Variants in AAMDC observed in about 807,000 individuals in gnomAD.
AAMDC encodes the protein mth938 domain-containing protein.
In AAMDC, 16 loss-of-function variants were observed where a neutral mutation model predicts 15.5. That is an observed-to-expected ratio of 1.03 (90% CI 0.70 to 1.57). The LOEUF is 1.57. Ranked by LOEUF, AAMDC falls within the 40% of genes most tolerant of loss-of-function variation. The pLI, the probability that AAMDC is intolerant of heterozygous loss-of-function variation, is 0.00. For missense variants in AAMDC, 141 were observed against 144.9 expected, an observed-to-expected ratio of 0.97 and a Z score of 0.14; for synonymous variants, 51 against 51.6, an observed-to-expected ratio of 0.99 and a Z score of 0.05.
intron 2 of AAMDC, chr11:77,868,777 C>A: frequency 4.2e-6 from 1 of 237,858 alleles, no homozygotes; most frequent in Non-Finnish European, 9.2e-6. Context: ...GGTTCTTACA[C>A]AGTGTGCTTC....
Position 77,899,599 on chromosome 11 carries a change from G to A in AAMDC, c.329-972G>A, listed in dbSNP as rs1174796261. ...GCAGGAGAATCGCTTGAACCCAGGAGGCAGAGGTTGCAGTGAGCTGAGATC... is the reference window on the plus strand; with the variant it reads ...GCAGGAGAATCGCTTGAACCCAGGAAGCAGAGGTTGCAGTGAGCTGAGATC... On this transcript the variant is annotated intron_variant, in intron 5 of 5. Transcript: ENST00000304716. 1.4e-3 allele frequency among the ~76,000 whole-genome samples: 210 copies of A among 151,778 alleles called. 1 individual carries two copies. Among genetic ancestry groups the A allele is most frequent in the African/African-American group, 5.0e-3 (208 of 41,202 alleles).
At chr11:77,832,640 A>C (rs1949487042) in intron 1 of AAMDC, among the ~76,000 whole-genome samples, 1 of 151,006 alleles carries the variant, frequency 6.6e-6, no homozygotes, top group Non-Finnish European at 1.5e-5. Context: ...AGGAACTTTT[A>C]TATTTATTCT....
At position 77,882,988 on chromosome 11, in the gene AAMDC, C is replaced by A. The variant is rs185768594; in HGVS notation, c.328+5939C>A. ...TCGGGAGGCTGAGACAGGAGAAGCA[C>A]CTGAACCCAGGAGGCAGACAGAGGT... On this transcript the variant is annotated intron_variant, in intron 5 of 5. Transcript: ENST00000304716. 5.3e-5 allele frequency among the ~76,000 whole-genome samples: 8 copies of A among 152,186 alleles called. 1 individual carries two copies. In the East Asian group the frequency reaches 1.5e-3, roughly 29 times the overall value.
intron 5 of AAMDC, chr11:77,894,223 T>C (rs1952411367): frequency 1.3e-6 from 1 of 783,940 alleles, no homozygotes; most frequent in Non-Finnish European, 2.2e-6. Flanking sequence ...ATTGTTCCTA[T>C]TGCCTGCAAG....
intron 5 of AAMDC, chr11:77,891,751 G>A: frequency 6.2e-7 from 1 of 1,612,016 alleles, no homozygotes. Context: ...GACCACTTCT[G>A]CAGGTTTGGA....
intron 2 of AAMDC, chr11:77,869,130 A>G (rs1349225353): frequency 1.9e-5 from 5 of 259,238 alleles, no homozygotes; most frequent in Admixed American, 4.1e-5. Context: ...GAACAACTCC[A>G]TATTTTCTAA....
intron 5 of AAMDC, among the ~76,000 whole-genome samples, chr11:77,892,506 A>G (rs1379287800): frequency 2.0e-5 from 3 of 152,246 alleles, no homozygotes; most frequent in African/African-American, 7.2e-5. Flanking sequence ...CCAACTGTGC[A>G]AAAACAGACT....
At chr11:77,860,043 A>T (rs1436523946) in intron 2 of AAMDC, among the ~76,000 whole-genome samples, 1 of 152,240 alleles carries the variant, frequency 6.6e-6, no homozygotes, top group Non-Finnish European at 1.5e-5. Flanking sequence ...CTTTGCCACT[A>T]CATCAGTTTT....
chr11:77,856,764 A>C (rs987766003), intron 2 of AAMDC, among the ~76,000 whole-genome samples: 2 of 152,180 alleles, frequency 1.3e-5, no homozygotes, highest in African/African-American at 4.8e-5. Context: ...CAAGGGGGAT[A>C]CTGGCCCCAT....
chr11:77,848,467 C>T (rs1261785422), intron 2 of AAMDC, among the ~76,000 whole-genome samples: 1 of 151,818 alleles, frequency 6.6e-6, no homozygotes, highest in Non-Finnish European at 1.5e-5. Context: ...AAGCGATTCT[C>T]CTACCTCAGC....
chr11:77,847,129 C>A (rs577332448), intron 2 of AAMDC, among the ~76,000 whole-genome samples: 2 of 152,210 alleles, frequency 1.3e-5, no homozygotes, highest in East Asian at 3.9e-4. Context: ...CATTTGCCCA[C>A]GGGTGGAATT....
intron 1 of AAMDC, among the ~76,000 whole-genome samples, chr11:77,840,426 G>A (rs1294961008): frequency 1.3e-5 from 2 of 152,160 alleles, no homozygotes; most frequent in Non-Finnish European, 2.9e-5. Context: ...CTACTTGGGA[G>A]GCTGAGGCAG....
At chr11:77,899,657 C>T (rs1435334484) in intron 5 of AAMDC, among the ~76,000 whole-genome samples, 5 of 149,216 alleles carry the variant, frequency 3.4e-5, no homozygotes, top group East Asian at 2.0e-4. Context: ...GCAACAAGAG[C>T]GAGACTTTGT....
chr11:77,900,170 G>C (rs1330738559), intron 5 of AAMDC, among the ~76,000 whole-genome samples: 4 of 151,714 alleles, frequency 2.6e-5, no homozygotes, highest in Non-Finnish European at 5.9e-5. Context: ...TGTGATTTCG[G>C]CCCACTGCAA....
intron 3 of AAMDC, among the ~76,000 whole-genome samples, chr11:77,871,746 T>C (rs766596330): frequency 1.4e-4 from 21 of 152,224 alleles, no homozygotes; most frequent in Non-Finnish European, 2.9e-4. Flanking sequence ...CTCAAACATT[T>C]AACATTTATG....
chr11:77,848,087 T>C (rs917654939), intron 2 of AAMDC, among the ~76,000 whole-genome samples: 12 of 152,238 alleles, frequency 7.9e-5, no homozygotes, highest in Non-Finnish European at 1.5e-4. Context: ...ATCTCATCCA[T>C]AGACATTCTC....
intron 1 of AAMDC, among the ~76,000 whole-genome samples, chr11:77,830,635 C>G (rs1343263332): frequency 1.3e-5 from 2 of 151,974 alleles, no homozygotes; most frequent in Non-Finnish European, 2.9e-5. Context: ...CGCGTTTGCC[C>G]CCCTTTATTC....
At chr11:77,883,248 G>C (rs577194346) in intron 5 of AAMDC, among the ~76,000 whole-genome samples, 1 of 152,234 alleles carries the variant, frequency 6.6e-6, no homozygotes, top group Non-Finnish European at 1.5e-5. Flanking sequence ...AAACACCACT[G>C]AGGCCAATTC....
chr11:77,900,133 T>C (rs1952715131), intron 5 of AAMDC, among the ~76,000 whole-genome samples: 1 of 151,888 alleles, frequency 6.6e-6, no homozygotes, highest in Non-Finnish European at 1.5e-5. Flanking sequence ...GGAGTCTTGC[T>C]CTGTTGCCCA....
Sources: allele counts gnomAD v4.1 joint callset (sites outside exome capture counted in the v4.1 genomes callset), GRCh38; gene constraint gnomAD v4.1.1; transcripts MANE v1.5; gene names NCBI Gene and HGNC (gene_info 2026-07-23, HGNC 2026-07-21).